NDST4: variants seen among roughly 807,000 people sequenced by gnomAD.
NDST4 encodes N-heparan sulfate sulfotransferase 4.
Under a neutral mutation model 100.8 loss-of-function variants are expected in NDST4, and 63 were observed. The observed-to-expected ratio is 0.62, with a 90% CI of 0.51 to 0.77. The LOEUF is 0.77. NDST4 is among the 30% of genes least tolerant of loss of function. The pLI is 0.00. For missense variants in NDST4, 943 were observed against 1,018.4 expected (o/e 0.93, Z 1.01); for synonymous variants, 377 against 361.8 (o/e 1.04, Z -0.48).
At chr4:114,915,377 G>C (rs997214473) in intron 6 of NDST4, among the ~76,000 whole-genome samples, 1 of 152,104 alleles carries the variant, frequency 6.6e-6, no homozygotes, top group African/African-American at 2.4e-5. Context: ...CACCAGGTAG[G>C]ATGCAAAAAG....
chr4:114,831,169 C>T (rs542931414), intron 12 of NDST4, among the ~76,000 whole-genome samples: 1 of 148,938 alleles, frequency 6.7e-6, no homozygotes, highest in East Asian at 1.9e-4. Flanking sequence ...TCTCCTGCCT[C>T]AGCCTCCCGA....
intron 13 of NDST4, among the ~76,000 whole-genome samples, chr4:114,828,594 A>G (rs1723130932): frequency 6.6e-6 from 1 of 152,032 alleles, no homozygotes; most frequent in African/African-American, 2.4e-5. Context: ...TTTTAGTTTT[A>G]TATTTATCTT....
Position 114,937,304 on chromosome 4 carries a change from C to T in NDST4, c.1407+14G>A. On this transcript the variant is annotated intron_variant, in intron 5 of 13. Coordinates refer to ENST00000264363, the MANE Select transcript of NDST4 (RefSeq NM_022569.3). ...TATTAACATCCTTCAATATACATGGCTCTCTGTGCTCACCATGATGCTATT... is the reference window on the plus strand; with the variant it reads ...TATTAACATCCTTCAATATACATGGTTCTCTGTGCTCACCATGATGCTATT... 3 of 1,613,166 alleles carry T rather than the reference C, an allele frequency of 1.9e-6. No individual in the cohort carries two copies.
chr4:115,020,887 G>A (rs1727796542), intron 2 of NDST4, among the ~76,000 whole-genome samples: 1 of 151,978 alleles, frequency 6.6e-6, no homozygotes, highest in Non-Finnish European at 1.5e-5. Flanking sequence ...TGCAAGAATG[G>A]CCATAATCAA....
intron 1 of NDST4, among the ~76,000 whole-genome samples, chr4:115,106,161 G>A (rs1276666247): frequency 6.6e-6 from 1 of 152,066 alleles, no homozygotes; most frequent in Non-Finnish European, 1.5e-5. Context: ...GGAAGAGGAA[G>A]GTCATAGAAG....
chr4:115,042,578 G>A (rs1370378236), intron 2 of NDST4, among the ~76,000 whole-genome samples: 4 of 151,932 alleles, frequency 2.6e-5, no homozygotes, highest in East Asian at 3.9e-4. Context: ...AAACCTTACC[G>A]TGTCTAACTG....
At chr4:115,103,632 A>G (rs1203420849) in intron 1 of NDST4, among the ~76,000 whole-genome samples, 1 of 152,216 alleles carries the variant, frequency 6.6e-6, no homozygotes, top group Non-Finnish European at 1.5e-5. Flanking sequence ...TCTTTATCAT[A>G]AGAGGCATAC....
At chr4:114,992,232 T>A (rs923647043) in intron 2 of NDST4, among the ~76,000 whole-genome samples, 1 of 151,894 alleles carries the variant, frequency 6.6e-6, no homozygotes, top group Non-Finnish European at 1.5e-5. Flanking sequence ...TTATAGTTTT[T>A]ACATCTCCTT....
chr4:114,986,793 C>CATATATATATATATATATATATATAT (rs59806494), intron 2 of NDST4, among the ~76,000 whole-genome samples: 1 of 91,148 alleles, frequency 1.1e-5, no homozygotes, highest in African/African-American at 4.5e-5. Flanking sequence ...TCCAATTATA[C>CATATATATATATATATATATATATAT]ATATATATAT....
At chr4:114,877,885 G>A (rs1446307727) in intron 6 of NDST4, among the ~76,000 whole-genome samples, 1 of 151,776 alleles carries the variant, frequency 6.6e-6, no homozygotes, top group African/African-American at 2.4e-5. Context: ...GCTGGAGGCA[G>A]AGTTTGCAGT....
rs2126283445 is a variant in NDST4, at chr4:115,061,298, A to T, written c.978+14761T>A. Among the ~76,000 whole-genome samples the T allele has an allele frequency of 1.3e-5, 2 of 152,262 alleles. 1 individual carries two copies. The highest frequency in any genetic ancestry group is 4.8e-5 in the African/African-American group (2 of 41,510). ...GTATATACCCAAAGAATTAAAAATC[A>T]ATCTACTGTAAAGACACATGCATAC... On this transcript the variant is annotated intron_variant, in intron 2 of 13. Transcript: ENST00000264363.
chr4:115,066,526 G>T (rs539515456), intron 2 of NDST4, among the ~76,000 whole-genome samples: 4 of 152,206 alleles, frequency 2.6e-5, no homozygotes, highest in African/African-American at 9.6e-5. Flanking sequence ...GGTCACTGCT[G>T]ACTGCCAAAA....
chr4:114,986,486 TTC>T (rs1726903866), intron 2 of NDST4, among the ~76,000 whole-genome samples: 2 of 152,070 alleles, frequency 1.3e-5, no homozygotes, highest in South Asian at 4.1e-4. Context: ...GGCATTCTGG[TTC>T]TCTCCCTGAG....
At chr4:114,869,542 G>A (rs6836056) in intron 7 of NDST4, among the ~76,000 whole-genome samples, 2 of 151,936 alleles carry the variant, frequency 1.3e-5, no homozygotes, top group Non-Finnish European at 2.9e-5. Context: ...TGATATATGC[G>A]CATAATACTT....
intron 1 of NDST4, among the ~76,000 whole-genome samples, chr4:115,079,922 T>G (rs2126291039): frequency 6.6e-6 from 1 of 152,294 alleles, no homozygotes; most frequent in South Asian, 2.1e-4. Flanking sequence ...AGAAAATAAC[T>G]TTTAAACTTT....
chr4:114,979,022 G>A (rs1442483748), intron 2 of NDST4, among the ~76,000 whole-genome samples: 1 of 151,980 alleles, frequency 6.6e-6, no homozygotes, highest in Non-Finnish European at 1.5e-5. Context: ...CTCTCCATCA[G>A]TTAGGTATCC....
intron 6 of NDST4, among the ~76,000 whole-genome samples, chr4:114,898,949 A>G (rs1724774950): frequency 3.9e-5 from 6 of 152,050 alleles, no homozygotes; most frequent in Admixed American, 3.9e-4. Flanking sequence ...TTTTACATAG[A>G]CAATCATGTC....
intron 6 of NDST4, among the ~76,000 whole-genome samples, chr4:114,921,682 A>G (rs1342396828): frequency 6.6e-6 from 1 of 152,224 alleles, no homozygotes; most frequent in Non-Finnish European, 1.5e-5. Context: ...CAAGGAACTT[A>G]GATGACTTAT....
intron 2 of NDST4, among the ~76,000 whole-genome samples, chr4:115,056,187 A>G (rs1348867743): frequency 6.6e-6 from 1 of 151,924 alleles, no homozygotes; most frequent in Non-Finnish European, 1.5e-5. Flanking sequence ...CCTCATCTCT[A>G]CAAAAGATAT....
Sources: allele counts gnomAD v4.1 joint callset (sites outside exome capture counted in the v4.1 genomes callset), GRCh38; gene constraint gnomAD v4.1.1; transcripts MANE v1.5; gene names NCBI Gene and HGNC (gene_info 2026-07-23, HGNC 2026-07-21).